The following TRPC4 variants were observed in gnomAD, a reference collection of about 807,000 sequenced individuals.
The protein encoded by TRPC4 is transient receptor potential cation channel subfamily C member 4.
A neutral mutation model predicts 99.4 loss-of-function variants in TRPC4; 49 were observed. That is an observed-to-expected ratio of 0.49 (90% CI 0.39 to 0.63). TRPC4 has a LOEUF of 0.63. TRPC4 is among the 20% of genes least tolerant of loss of function. The pLI, the probability that TRPC4 is intolerant of heterozygous loss-of-function variation, is 0.00. For missense variants in TRPC4, 898 were observed against 1,152.9 expected, an observed-to-expected ratio of 0.78 and a Z score of 3.20; for synonymous variants, 454 against 425.9, an observed-to-expected ratio of 1.07 and a Z score of -0.81.
At chr13:37,792,594 A>G (rs1957149183) in intron 1 of TRPC4, among the ~76,000 whole-genome samples, 1 of 152,108 alleles carries the variant, frequency 6.6e-6, no homozygotes, top group Non-Finnish European at 1.5e-5. Context: ...ACAAATAAGC[A>G]TTAACAAGAT....
At position 37,746,007 on chromosome 13, in the gene TRPC4, C is replaced by T; in HGVS notation, c.827G>A (p.Ser276Asn). 1 of 1,613,854 alleles carries T rather than the reference C, an allele frequency of 6.2e-7. No homozygotes were observed. Among genetic ancestry groups the T allele is most frequent in the Non-Finnish European group, 8.5e-7 (1 of 1,179,832 alleles). The change falls in exon 3 of 11, where the codon AGT becomes AAT. Residue 276 changes from serine (S) to asparagine (N), a missense_variant. Ser to Asn is a conservative substitution (Grantham distance 46). This residue lies in a region of TRPC4 where 278 missense variants were observed against 346.6 expected (regional missense o/e 0.80). Coordinates refer to ENST00000379705, the MANE Select transcript of TRPC4 (RefSeq NM_016179.4). ...EIILNYRDDN[S>N]LIEEQSGNDL... ...ATTTCCACTTTGTTCTTCTATGAGA[C>T]TATTGTCATCTCGGTAATTAAGAAT...
At chr13:37,689,741 C>T (rs1038123248) in intron 4 of TRPC4, among the ~76,000 whole-genome samples, 3 of 152,140 alleles carry the variant, frequency 2.0e-5, no homozygotes, top group Non-Finnish European at 4.4e-5. Flanking sequence ...AGCAGGCAGC[C>T]AATGACTGTT....
At chr13:37,784,370 G>C (rs1956919460) in intron 1 of TRPC4, among the ~76,000 whole-genome samples, 4 of 152,128 alleles carry the variant, frequency 2.6e-5, no homozygotes, top group African/African-American at 9.6e-5. Context: ...ATTAATTCAA[G>C]TAAATGAAAG....
At chr13:37,670,825 G>A (rs1952813332) in intron 5 of TRPC4, among the ~76,000 whole-genome samples, 1 of 152,156 alleles carries the variant, frequency 6.6e-6, no homozygotes, top group South Asian at 2.1e-4. Context: ...AACTCTGCTT[G>A]TTAAACACTC....
chr13:37,700,050 T>C (rs1425252600), intron 3 of TRPC4, among the ~76,000 whole-genome samples: 1 of 152,188 alleles, frequency 6.6e-6, no homozygotes, highest in Non-Finnish European at 1.5e-5. Context: ...CAATAAATAA[T>C]GTTCGTTCTT....
chr13:37,637,549 T>C lies in TRPC4; in HGVS notation c.2288A>G (p.Gln763Arg). 1 of 1,613,298 alleles carries C rather than the reference T, an allele frequency of 6.2e-7. No individual in the cohort carries two copies. Among genetic ancestry groups the C allele is most frequent in the Non-Finnish European group, 8.5e-7 (1 of 1,179,638 alleles). Residue 763 changes from glutamine to arginine, a missense_variant, in exon 11 of 11, where the codon CAA becomes CGA. This residue lies in a region of TRPC4 where 346 missense variants were observed against 351.4 expected (regional missense o/e 0.98). Transcript: ENST00000379705. Reference protein sequence around the residue: ...LLRGSKLSTIQSANASKESSN... With the variant: ...LLRGSKLSTIRSANASKESSN... ...AGACTCCTTCGAGGCATTCGCAGAT[T>C]GTATTGTGGAAAGTTTGCTTCCTCT...
chr13:37,805,379 T>C (rs1419482942), intron 1 of TRPC4, among the ~76,000 whole-genome samples: 1 of 152,026 alleles, frequency 6.6e-6, no homozygotes, highest in East Asian at 1.9e-4. Flanking sequence ...ATTGTATATA[T>C]ACCCTGTCTC....
chr13:37,757,636 A>G (rs941154107), intron 2 of TRPC4, among the ~76,000 whole-genome samples: 1 of 151,922 alleles, frequency 6.6e-6, no homozygotes, highest in African/African-American at 2.4e-5. Flanking sequence ...GAAGAAATAA[A>G]TCACAACACA....
intron 3 of TRPC4, among the ~76,000 whole-genome samples, chr13:37,725,187 A>T (rs1955009960): frequency 6.6e-6 from 1 of 152,166 alleles, no homozygotes; most frequent in Non-Finnish European, 1.5e-5. Flanking sequence ...GAAATTGTCT[A>T]GTTTGAGGAA....
chr13:37,758,709 T>C (rs540663310), intron 2 of TRPC4, among the ~76,000 whole-genome samples: 1 of 151,756 alleles, frequency 6.6e-6, no homozygotes, highest in African/African-American at 2.4e-5. Context: ...TCTATACTTT[T>C]CTTAACATTA....
At chr13:37,687,967 T>C (rs990950189) in intron 4 of TRPC4, among the ~76,000 whole-genome samples, 4 of 152,238 alleles carry the variant, frequency 2.6e-5, no homozygotes, top group African/African-American at 9.6e-5. Context: ...TCTAACAGAA[T>C]TATCCATGAT....
chr13:37,715,291 A>G (rs1382851782), intron 3 of TRPC4, among the ~76,000 whole-genome samples: 1 of 152,228 alleles, frequency 6.6e-6, no homozygotes, highest in Non-Finnish European at 1.5e-5. Context: ...CTATGTCAAC[A>G]TATAGACCTG....
At chr13:37,769,955 C>T (rs1039910475) in intron 2 of TRPC4, among the ~76,000 whole-genome samples, 3 of 151,326 alleles carry the variant, frequency 2.0e-5, no homozygotes, top group Non-Finnish European at 3.0e-5. Context: ...TGGAATATAG[C>T]CATTTTCTGT....
At chr13:37,786,519 T>C (rs1446479485) in intron 1 of TRPC4, among the ~76,000 whole-genome samples, 1 of 152,014 alleles carries the variant, frequency 6.6e-6, no homozygotes, top group Non-Finnish European at 1.5e-5. Flanking sequence ...ATAAATGCAA[T>C]AGCAAGTAGC....
At chr13:37,756,775 C>A (rs1179274297) in intron 2 of TRPC4, among the ~76,000 whole-genome samples, 1 of 151,546 alleles carries the variant, frequency 6.6e-6, no homozygotes. Flanking sequence ...ACTCAGGAGA[C>A]CTACCCGCCT....
chr13:37,733,791 T>G (rs1955312180), intron 3 of TRPC4, among the ~76,000 whole-genome samples: 1 of 152,018 alleles, frequency 6.6e-6, no homozygotes, highest in South Asian at 2.1e-4. Context: ...AATAATCAAA[T>G]CAGATAAGGT....
chr13:37,637,846 A>G (rs1213872376), intron 10 of TRPC4, among the ~76,000 whole-genome samples: 1 of 152,158 alleles, frequency 6.6e-6, no homozygotes. Flanking sequence ...ACACTTCCTA[A>G]GGCTGATGCA....
intron 1 of TRPC4, among the ~76,000 whole-genome samples, chr13:37,837,296 C>A (rs924594544): frequency 2.6e-5 from 4 of 152,232 alleles, no homozygotes; most frequent in African/African-American, 9.6e-5. Context: ...AAGAGGGCCA[C>A]CTTCCTCCAG....
At chr13:37,836,147 C>A (rs1214432760) in intron 1 of TRPC4, among the ~76,000 whole-genome samples, 1 of 152,178 alleles carries the variant, frequency 6.6e-6, no homozygotes, top group Non-Finnish European at 1.5e-5. Flanking sequence ...TCCTTGCCTT[C>A]TGCCTGATTG....
Sources: gnomAD v4.1 joint callset for allele counts (sites outside exome capture counted in the v4.1 genomes callset) on GRCh38, gnomAD v4.1.1 for gene constraint, gnomAD v4.1.1 regional missense constraint, MANE v1.5 for transcripts, NCBI Gene and HGNC (gene_info 2026-07-23, HGNC 2026-07-21) for gene names.